DOCK9: variants seen among roughly 807,000 people sequenced by gnomAD.
DOCK9 encodes the protein dedicator of cytokinesis 9.
DOCK9 carries 89 observed loss-of-function variants against 263.3 expected under a neutral mutation model. The ratio of observed to expected loss-of-function variants is 0.34; its 90% CI spans 0.28 to 0.40. DOCK9 has a LOEUF of 0.40. Among genes scored for constraint, DOCK9 ranks in the 10% least tolerant of loss-of-function variants. The pLI, the probability that DOCK9 is intolerant of heterozygous loss-of-function variation, is 1.00. For synonymous variants in DOCK9, 976 were observed against 973.1 expected (o/e 1.00, Z -0.06); for missense variants, 2,140 against 2,603.4 (o/e 0.82, Z 3.87).
intron 2 of DOCK9, chr13:98,950,512 A>G: frequency 2.5e-6 from 1 of 407,674 alleles, no homozygotes; most frequent in Non-Finnish European, 4.4e-6. Flanking sequence ...TGTGCTGTCC[A>G]GGGTGGTCTT....
At position 98,829,297 on chromosome 13, in the gene DOCK9, G is replaced by A; in HGVS notation, c.4965+10C>T. Reference sequence around the variant, plus strand: ...CAAAAACCCATTCAAGCGGCTGGCAGGGCTACTACCTCTGAGAGATCGCCA... The same window carrying A: ...CAAAAACCCATTCAAGCGGCTGGCAAGGCTACTACCTCTGAGAGATCGCCA... On this transcript the variant is annotated intron_variant, in intron 43 of 52. Transcript: ENST00000682017. This position sits in a 1 kb window ranked among gnomAD's most constrained non-coding sequence, Gnocchi z 4.1. The A allele has an allele frequency of 6.2e-7, 1 of 1,607,332 alleles. No individual in the cohort carries two copies. Among genetic ancestry groups the A allele is most frequent in the Non-Finnish European group, 8.5e-7 (1 of 1,176,606 alleles).
At chr13:98,959,387 CTT>C (rs2058394691) in intron 1 of DOCK9, 1 of 152,204 alleles carries the variant, frequency 6.6e-6, no homozygotes, top group Non-Finnish European at 1.5e-5. Context: ...AAATTTTCAA[CTT>C]GTACAAACCC....
intron 18 of DOCK9, 72 bp from the exon 19 acceptor site, chr13:98,886,696 AAGG>A (rs372336453): frequency 6.5e-4 from 896 of 1,382,064 alleles, no homozygotes; most frequent in Non-Finnish European, 6.2e-4. Flanking sequence ...ATATATCGTA[AAGG>A]AGGAGGCATT....
chr13:98,838,480 T>C (rs1440031863), intron 38 of DOCK9, among the ~76,000 whole-genome samples: 1 of 152,118 alleles, frequency 6.6e-6, no homozygotes, highest in Non-Finnish European at 1.5e-5. Flanking sequence ...AGAAAAAGCA[T>C]AAAAGCCAAC....
intron 1 of DOCK9, among the ~76,000 whole-genome samples, chr13:99,008,113 AT>A (rs1479741071): frequency 6.6e-6 from 1 of 151,588 alleles, no homozygotes; most frequent in Admixed American, 6.6e-5. Flanking sequence ...GTAAAATGAA[AT>A]GACACCATTA....
At chr13:98,802,898 C>T (rs889984819) in intron 49 of DOCK9, among the ~76,000 whole-genome samples, 1 of 152,182 alleles carries the variant, frequency 6.6e-6, no homozygotes, top group Non-Finnish European at 1.5e-5. Context: ...TCTAGCTCAA[C>T]AGCGGATGAA....
chr13:98,873,328 G>T lies in DOCK9; in HGVS notation c.2944-4951C>A, dbSNP rs151022357. Among the ~76,000 whole-genome samples the T allele has an allele frequency of 1.6e-3, 247 of 152,268 alleles. 7 individuals are homozygous for T. In the South Asian group the frequency reaches 0.044, roughly 27 times the overall value. The stretch of plus-strand genomic sequence containing the variant: ...TCTATTTCTTTAGTTCTGTCTGTTC[G>T]CTTCCCTGTCCCAGGCTGAACCTTC... On this transcript the variant is annotated intron_variant, in intron 27 of 52. Transcript: ENST00000682017.
At chr13:98,949,084 A>C (rs1012936579) in intron 2 of DOCK9, among the ~76,000 whole-genome samples, 1 of 151,980 alleles carries the variant, frequency 6.6e-6, no homozygotes, top group African/African-American at 2.4e-5. Flanking sequence ...GGTATACAAC[A>C]TGCTTTGAGA....
intron 29 of DOCK9, 95 bp from the exon 30 acceptor site, chr13:98,867,631 T>A (rs1267502111): frequency 2.4e-6 from 2 of 844,338 alleles, no homozygotes; most frequent in Non-Finnish European, 3.8e-6. Flanking sequence ...GAAATAGTCA[T>A]TAGCTTCTTG....
Position 98,831,483 on chromosome 13 carries a change from C to T in DOCK9, c.4500G>A (p.Leu1500=), listed in dbSNP as rs772203262. The T allele has an allele frequency of 1.3e-5, 21 of 1,591,624 alleles. No individual in the cohort carries two copies. In the South Asian group the frequency reaches 2.4e-4, roughly 18 times the overall value. The stretch of plus-strand genomic sequence containing the variant: ...TACAGCACTTGAGAATCTCGTAACA[C>T]AGAGCCGCACACATGTCCGCTCTCC... The part of the protein sequence containing the change: ...YEGRADMCAA[L]CYEILKCCNS... Residue 1500 remains leucine (L), a synonymous_variant, in exon 41 of 53, where the codon CTG becomes CTA. Coordinates refer to ENST00000682017, the MANE Select transcript of DOCK9 (RefSeq NM_001366683.2).
At chr13:98,945,703 A>AC (rs1260342803) in intron 2 of DOCK9, among the ~76,000 whole-genome samples, 2 of 151,966 alleles carry the variant, frequency 1.3e-5, no homozygotes, top group African/African-American at 4.8e-5. Context: ...AAGTGGAAAG[A>AC]CCCCCCTCTT....
chr13:99,060,926 A>G (rs963240380), intron 1 of DOCK9, among the ~76,000 whole-genome samples: 14 of 152,338 alleles, frequency 9.2e-5, no homozygotes, highest in Non-Finnish European at 1.6e-4. Flanking sequence ...TGTTAAATAA[A>G]TAAGTTACCA....
intron 25 of DOCK9, among the ~76,000 whole-genome samples, chr13:98,881,166 C>CT (rs987251178): frequency 2.6e-5 from 4 of 151,952 alleles, no homozygotes; most frequent in African/African-American, 9.7e-5. Flanking sequence ...TCTAATTTGA[C>CT]TGTAGCCAGA....
intron 45 of DOCK9, among the ~76,000 whole-genome samples, chr13:98,813,837 C>T (rs911883947): frequency 6.6e-6 from 1 of 152,048 alleles, no homozygotes; most frequent in Admixed American, 6.5e-5. Flanking sequence ...GACAGGGTTT[C>T]TCCATGTTGG....
chr13:98,941,360 C>G (rs1164735214), intron 2 of DOCK9, among the ~76,000 whole-genome samples: 1 of 152,172 alleles, frequency 6.6e-6, no homozygotes, highest in Non-Finnish European at 1.5e-5. Context: ...ACACGTGAGA[C>G]TTTAGACAGT....
chr13:98,904,461 C>A (rs1350254290), intron 10 of DOCK9, among the ~76,000 whole-genome samples, 171 bp downstream of exon 10: 2 of 152,206 alleles, frequency 1.3e-5, no homozygotes, highest in Non-Finnish European at 2.9e-5. Context: ...AATAGTAATG[C>A]TATGGTGATA....
intron 1 of DOCK9, among the ~76,000 whole-genome samples, chr13:99,039,720 C>T (rs147579548): frequency 5.4e-4 from 82 of 152,256 alleles, no homozygotes; most frequent in African/African-American, 1.8e-3. Flanking sequence ...GAGTGTTTCC[C>T]TTTGCTCAAC....
At chr13:98,935,516 C>T (rs2054669546) in intron 2 of DOCK9, among the ~76,000 whole-genome samples, 1 of 152,160 alleles carries the variant, frequency 6.6e-6, no homozygotes, top group Non-Finnish European at 1.5e-5. Flanking sequence ...ACCTGTAATC[C>T]CAGCACTTTG....
At chr13:99,082,531 AAT>A (rs1566405580) in intron 1 of DOCK9, among the ~76,000 whole-genome samples, 1 of 100,210 alleles carries the variant, frequency 1.0e-5, no homozygotes, top group Non-Finnish European at 2.1e-5. Flanking sequence ...AAAAAATAAT[AAT>A]AATAAATAAA....
Sources: allele counts gnomAD v4.1 joint callset (sites outside exome capture counted in the v4.1 genomes callset), GRCh38; gene constraint gnomAD v4.1.1; non-coding constraint Gnocchi (gnomAD v3.1); transcripts MANE v1.5; gene names NCBI Gene and HGNC (gene_info 2026-07-23, HGNC 2026-07-21).